Variants in DLGAP2 observed in about 807,000 individuals in gnomAD.
DLGAP2 encodes the protein DLG associated protein 2.
A neutral mutation model predicts 100.3 loss-of-function variants in DLGAP2; 26 were observed. The observed-to-expected ratio is 0.26, with a 90% CI of 0.19 to 0.36. The LOEUF is 0.36. DLGAP2 is among the 10% of genes least tolerant of loss of function. The pLI is 1.00. For synonymous variants in DLGAP2, 886 were observed against 630.1 expected (o/e 1.41, Z -6.08); for missense variants, 1,858 against 1,453.2 (o/e 1.28, Z -4.53).
At chr8:815,202 C>G (rs1418382335) in intron 1 of DLGAP2, among the ~76,000 whole-genome samples, 2 of 152,180 alleles carry the variant, frequency 1.3e-5, no homozygotes, top group Non-Finnish European at 2.9e-5. Context: ...AGTCCAAAGT[C>G]AAAGTACAGG....
chr8:961,036 C>A (rs935696997), intron 2 of DLGAP2, among the ~76,000 whole-genome samples: 2 of 149,428 alleles, frequency 1.3e-5, no homozygotes, highest in Non-Finnish European at 3.0e-5. Context: ...TGCACAGACC[C>A]CCATGTTGAC....
In DLGAP2 at chr8:1,009,137, C is replaced by T. The variant is rs189239777; in HGVS notation, c.73+101171C>T. On this transcript the variant is annotated intron_variant, in intron 2 of 14. Coordinates refer to ENST00000637795, the MANE Select transcript of DLGAP2 (RefSeq NM_001346810.2). ...TTCCATGTGGCCGAGGGTGGTGTTC[C>T]TGCAATGCTTGGTCAGCTCTGCCTC... Among the ~76,000 whole-genome samples the T allele has an allele frequency of 2.2e-4, 33 of 152,306 alleles. No homozygotes were observed. The East Asian group carries it at 5.0e-3, about 23-fold the overall frequency.
chr8:853,396 G>A (rs1470389418), intron 1 of DLGAP2, among the ~76,000 whole-genome samples: 1 of 152,230 alleles, frequency 6.6e-6, no homozygotes, highest in Non-Finnish European at 1.5e-5. Context: ...CCAGGGTTGT[G>A]CTGGGGTCTG....
chr8:1,653,367 G>A (rs1475049771), intron 8 of DLGAP2, among the ~76,000 whole-genome samples: 2 of 152,228 alleles, frequency 1.3e-5, no homozygotes, highest in Non-Finnish European at 2.9e-5. Context: ...GGGGTCATAG[G>A]GCTTCCTGTG....
At chr8:1,661,070 A>T (rs1450042167) in intron 8 of DLGAP2, among the ~76,000 whole-genome samples, 1 of 152,196 alleles carries the variant, frequency 6.6e-6, no homozygotes, top group Non-Finnish European at 1.5e-5. Context: ...CCATGTAAAG[A>T]CAGCAGTGAC....
intron 4 of DLGAP2, among the ~76,000 whole-genome samples, chr8:1,514,287 C>G (rs1800282561): frequency 6.6e-6 from 1 of 152,236 alleles, no homozygotes; most frequent in African/African-American, 2.4e-5. Context: ...CGACTATTCC[C>G]AGAAGGCTTC....
intron 12 of DLGAP2, among the ~76,000 whole-genome samples, chr8:1,687,985 C>T (rs1243869470): frequency 1.3e-5 from 2 of 152,124 alleles, no homozygotes; most frequent in Non-Finnish European, 2.9e-5. Flanking sequence ...CTCCCCTCGT[C>T]ATCAGCGAGT....
At chr8:1,074,711 C>T (rs546106205) in intron 2 of DLGAP2, among the ~76,000 whole-genome samples, 4 of 152,308 alleles carry the variant, frequency 2.6e-5, no homozygotes, top group African/African-American at 7.2e-5. Context: ...GAGCATTTCC[C>T]ACTCCTCGTC....
At chr8:983,071 T>A (rs1800384913) in intron 2 of DLGAP2, among the ~76,000 whole-genome samples, 1 of 152,184 alleles carries the variant, frequency 6.6e-6, no homozygotes, top group African/African-American at 2.4e-5. Flanking sequence ...CGGGATAGGA[T>A]CAGGGCAGGG....
intron 3 of DLGAP2, among the ~76,000 whole-genome samples, chr8:1,477,022 G>A (rs1349762792): frequency 2.0e-5 from 3 of 152,250 alleles, no homozygotes; most frequent in Non-Finnish European, 2.9e-5. Flanking sequence ...TGTGAAGACA[G>A]GTTTATTCTC....
chr8:846,985 T>A (rs1285349752), intron 1 of DLGAP2, among the ~76,000 whole-genome samples: 2 of 152,246 alleles, frequency 1.3e-5, no homozygotes, highest in African/African-American at 4.8e-5. Flanking sequence ...CTACTAAGCT[T>A]ATATATCCTT....
At position 1,451,426 on chromosome 8, in the gene DLGAP2, A is replaced by G. The variant is rs78637362; in HGVS notation, c.107-49940A>G. On this transcript the variant is annotated intron_variant, in intron 3 of 14. Coordinates refer to ENST00000637795, the MANE Select transcript of DLGAP2 (RefSeq NM_001346810.2). The stretch of plus-strand genomic sequence containing the variant: ...CCTGAGGTTTGCTTGAAGCTTTATC[A>G]CATCCATCAGCCCAGCACGCTCTGA... Among the ~76,000 whole-genome samples, 1,066 of 151,962 alleles carry G rather than the reference A, an allele frequency of 7.0e-3. 19 individuals carry two copies. The highest frequency in any genetic ancestry group is 0.024 in the African/African-American group (977 of 41,428).
At chr8:1,653,274 G>T (rs577976365) in intron 8 of DLGAP2, among the ~76,000 whole-genome samples, 1 of 152,294 alleles carries the variant, frequency 6.6e-6, no homozygotes, top group South Asian at 2.1e-4. Context: ...CACTGGCATT[G>T]CATTGGTTCT....
chr8:1,252,298 G>A (rs1320723939), intron 2 of DLGAP2, among the ~76,000 whole-genome samples: 1 of 151,938 alleles, frequency 6.6e-6, no homozygotes, highest in Admixed American at 6.6e-5. Flanking sequence ...ACAATGTGGT[G>A]TTGTCATGTG....
chr8:887,064 C>A (rs952402201), intron 1 of DLGAP2, among the ~76,000 whole-genome samples: 13 of 152,120 alleles, frequency 8.5e-5, no homozygotes, highest in African/African-American at 3.1e-4. Context: ...TTATTGGGTG[C>A]GTATATATTC....
chr8:1,191,272 G>C, intron 2 of DLGAP2, among the ~76,000 whole-genome samples: 1 of 151,218 alleles, frequency 6.6e-6, no homozygotes. Context: ...CCGGGTTCAG[G>C]CCATTCTCCT....
intron 3 of DLGAP2, among the ~76,000 whole-genome samples, chr8:1,346,442 C>G (rs1030191565): frequency 7.0e-6 from 1 of 142,712 alleles, no homozygotes; most frequent in Non-Finnish European, 1.5e-5. Flanking sequence ...TACACATCTG[C>G]ATTGCTCTCA....
chr8:1,467,279 A>C (rs1798653674), intron 3 of DLGAP2, among the ~76,000 whole-genome samples: 1 of 149,530 alleles, frequency 6.7e-6, no homozygotes, highest in African/African-American at 2.5e-5. Flanking sequence ...CTGCACCCTC[A>C]TATCCACATC....
intron 3 of DLGAP2, among the ~76,000 whole-genome samples, chr8:1,423,673 G>T (rs1467710320): frequency 6.6e-6 from 1 of 152,236 alleles, no homozygotes; most frequent in Admixed American, 6.5e-5. Flanking sequence ...TGTGCGTTGA[G>T]AGCCTGGCAT....
Sources: gnomAD v4.1 joint callset for allele counts (sites outside exome capture counted in the v4.1 genomes callset) on GRCh38, gnomAD v4.1.1 for gene constraint, MANE v1.5 for transcripts, NCBI Gene and HGNC (gene_info 2026-07-23, HGNC 2026-07-21) for gene names.